The following SLC9A9 variants were observed in gnomAD, a reference collection of about 807,000 sequenced individuals.
SLC9A9 encodes solute carrier family 9 member A9, also known as sodium/hydrogen exchanger 9.
Under a neutral mutation model 77.8 loss-of-function variants are expected in SLC9A9, and 62 were observed. The ratio of observed to expected loss-of-function variants is 0.80; its 90% CI spans 0.65 to 0.98. SLC9A9 has a LOEUF of 0.98. Ranked by LOEUF, SLC9A9 falls within the 50% of genes least tolerant of loss-of-function variation. The probability of loss-of-function intolerance (pLI) is 0.00; values close to 1 mark genes in which losing one functional copy is unlikely to be tolerated. For missense variants in SLC9A9, 775 were observed against 774.9 expected (o/e 1.00, Z 0.00); for synonymous variants, 320 against 283.5 (o/e 1.13, Z -1.29).
chr3:143,734,665 C>T (rs1234684482), intron 4 of SLC9A9, among the ~76,000 whole-genome samples: 7 of 144,418 alleles, frequency 4.8e-5, no homozygotes, highest in African/African-American at 1.3e-4. Flanking sequence ...ACCCAGGAGG[C>T]GGAGGTTGCA....
chr3:143,831,071 G>A (rs1175155328), intron 2 of SLC9A9, among the ~76,000 whole-genome samples: 1 of 151,936 alleles, frequency 6.6e-6, no homozygotes, highest in Non-Finnish European at 1.5e-5. Context: ...AGGAAAAATG[G>A]CAGACCAAGT....
chr3:143,620,678 T>G (rs2038190455), intron 6 of SLC9A9: 1 of 152,926 alleles, frequency 6.5e-6, no homozygotes, highest in Non-Finnish European at 1.5e-5. Context: ...AGTCTACAGC[T>G]CCCAGCGTGA....
rs544355615 is a variant in SLC9A9 at position 143,742,348 on chromosome 3, G to A, written c.534-49041C>T. On this transcript the variant is annotated intron_variant, in intron 4 of 15. Transcript: ENST00000316549. Reference sequence around the variant, plus strand: ...CTGATCTGAGTAATAATAAAACTCCGGTCTCCCACACAGCCGGCTCTGCGT... The same window carrying A: ...CTGATCTGAGTAATAATAAAACTCCAGTCTCCCACACAGCCGGCTCTGCGT... 1.4e-3 allele frequency among the ~76,000 whole-genome samples: 213 copies of A among 152,194 alleles called. 1 individual carries two copies. Among genetic ancestry groups the A allele is most frequent in the African/African-American group, 4.9e-3 (205 of 41,516 alleles).
In SLC9A9 at chr3:143,711,802, C is replaced by A. The variant is rs553725613; in HGVS notation, c.534-18495G>T. Among the ~76,000 whole-genome samples, 198 of 152,238 alleles carry A rather than the reference C, an allele frequency of 1.3e-3. No homozygotes were observed. In the South Asian group the frequency reaches 0.017, roughly 13 times the overall value. On this transcript the variant is annotated intron_variant, in intron 4 of 15. Coordinates refer to ENST00000316549, the MANE Select transcript of SLC9A9 (RefSeq NM_173653.4). ...CTACTCCTGTTTCTCACCACTCCAG[C>A]AACAGAAGTATCCGTTAAGGAAGGT... is the stretch of plus-strand genomic sequence containing the variant.
At chr3:143,344,562 T>C (rs1330702233) in intron 14 of SLC9A9, 2 of 152,218 alleles carry the variant, frequency 1.3e-5, no homozygotes, top group South Asian at 2.1e-4. Flanking sequence ...TTTACAACTC[T>C]ACCAAATGTA....
intron 6 of SLC9A9, among the ~76,000 whole-genome samples, chr3:143,638,736 G>A (rs1204568501): frequency 2.0e-5 from 3 of 152,226 alleles, no homozygotes; most frequent in Non-Finnish European, 4.4e-5. Flanking sequence ...CCTGCAGTCA[G>A]GCACAGAAAA....
intron 2 of SLC9A9, among the ~76,000 whole-genome samples, chr3:143,797,932 G>A (rs1199121675): frequency 1.3e-5 from 2 of 152,152 alleles, no homozygotes; most frequent in Non-Finnish European, 2.9e-5. Context: ...TCACACAGAT[G>A]CATGTGAAAT....
chr3:143,454,150 T>C (rs2035051467), intron 12 of SLC9A9, among the ~76,000 whole-genome samples: 1 of 152,196 alleles, frequency 6.6e-6, no homozygotes, highest in African/African-American at 2.4e-5. Context: ...GTCTTAGGTA[T>C]TCTGTTATAG....
intron 6 of SLC9A9, among the ~76,000 whole-genome samples, chr3:143,618,339 G>GAAGGGAGTGTA (rs1219842267): frequency 6.6e-6 from 1 of 152,184 alleles, no homozygotes; most frequent in African/African-American, 2.4e-5. Flanking sequence ...AGGGTCTTTG[G>GAAGGGAGTGTA]AAGGGAGTGT....
intron 5 of SLC9A9, among the ~76,000 whole-genome samples, chr3:143,675,378 C>A (rs1448223266): frequency 6.6e-6 from 1 of 152,196 alleles, no homozygotes; most frequent in Non-Finnish European, 1.5e-5. Context: ...TTCCTCCTGG[C>A]TTCTAATTTC....
intron 6 of SLC9A9, among the ~76,000 whole-genome samples, chr3:143,584,474 C>T (rs1031809379): frequency 6.6e-6 from 1 of 152,158 alleles, no homozygotes. Context: ...ATGAAAAGAA[C>T]ATATGAAGTG....
At chr3:143,665,183 A>C (rs2039044217) in intron 5 of SLC9A9, among the ~76,000 whole-genome samples, 1 of 152,236 alleles carries the variant, frequency 6.6e-6, no homozygotes, top group African/African-American at 2.4e-5. Flanking sequence ...TAAGAAACTC[A>C]CTCAAAACCG....
intron 15 of SLC9A9, among the ~76,000 whole-genome samples, chr3:143,267,483 G>A (rs1937764134): frequency 1.3e-5 from 2 of 151,564 alleles, no homozygotes; most frequent in Non-Finnish European, 2.9e-5. Flanking sequence ...GCGAGTAGCT[G>A]GGATTACAGG....
intron 14 of SLC9A9, among the ~76,000 whole-genome samples, chr3:143,340,422 C>T (rs1412019200): frequency 2.0e-5 from 3 of 152,198 alleles, no homozygotes; most frequent in South Asian, 2.1e-4. Flanking sequence ...TATTAGAACA[C>T]CTGCTTTGTG....
At chr3:143,383,863 C>T (rs2033358799) in intron 12 of SLC9A9, among the ~76,000 whole-genome samples, 1 of 152,158 alleles carries the variant, frequency 6.6e-6, no homozygotes, top group Non-Finnish European at 1.5e-5. Flanking sequence ...TGTGAGAAGC[C>T]TCCAGTCAAG....
Position 143,266,522 on chromosome 3 carries a change from G to A in SLC9A9, c.*180C>T, listed in dbSNP as rs1937724665. 3 of 668,832 alleles carry A rather than the reference G, an allele frequency of 4.5e-6. No homozygotes were observed. In the East Asian group the frequency reaches 8.3e-5, roughly 18 times the overall value. 41.4% of individuals were successfully genotyped at this position (668,832 alleles called of 1,614,324 possible). On this transcript the variant is annotated 3_prime_UTR_variant, in exon 16 of 16. Transcript: ENST00000316549. Reference sequence around the variant, plus strand: ...CTAAATTCATTTGCATAATAGAGAGGGATAATAAAATCTCATTTCTTCAGG... The same window carrying A: ...CTAAATTCATTTGCATAATAGAGAGAGATAATAAAATCTCATTTCTTCAGG...
chr3:143,471,604 T>C (rs905922497), intron 11 of SLC9A9, among the ~76,000 whole-genome samples: 1 of 152,182 alleles, frequency 6.6e-6, no homozygotes, highest in Non-Finnish European at 1.5e-5. Flanking sequence ...AAAACTTGTG[T>C]TTTGTATTGT....
chr3:143,545,161 A>T (rs2036765404), intron 9 of SLC9A9, among the ~76,000 whole-genome samples: 1 of 152,024 alleles, frequency 6.6e-6, no homozygotes, highest in South Asian at 2.1e-4. Flanking sequence ...TCTTAGTTTT[A>T]TATTTTTGCA....
chr3:143,785,094 G>T (rs1198655106), intron 4 of SLC9A9, among the ~76,000 whole-genome samples: 2 of 152,202 alleles, frequency 1.3e-5, no homozygotes, highest in African/African-American at 4.8e-5. Flanking sequence ...ATAGCAGCCT[G>T]AATTAAGACA....
Sources: allele counts gnomAD v4.1 joint callset (sites outside exome capture counted in the v4.1 genomes callset), GRCh38; gene constraint gnomAD v4.1.1; transcripts MANE v1.5; gene names NCBI Gene and HGNC (gene_info 2026-07-23, HGNC 2026-07-21).